POLB: variants seen among roughly 807,000 people sequenced by gnomAD.
POLB encodes 5'-dRP lyase.
Under a neutral mutation model 52.7 loss-of-function variants are expected in POLB, and 37 were observed. The ratio of observed to expected loss-of-function variants is 0.70; its 90% CI spans 0.54 to 0.92. The LOEUF (loss-of-function observed/expected upper bound fraction) is 0.92. Among genes scored for constraint, POLB ranks in the 40% least tolerant of loss-of-function variants. POLB has a pLI of 0.00. For missense variants in POLB, 313 were observed against 400.8 expected (o/e 0.78, Z 1.87); for synonymous variants, 138 against 131.3 (o/e 1.05, Z -0.35).
chr8:42,344,181 C>T (rs1003184459), intron 2 of POLB, among the ~76,000 whole-genome samples: 1 of 149,218 alleles, frequency 6.7e-6, no homozygotes, highest in African/African-American at 2.5e-5. Flanking sequence ...TGGTGGTTCA[C>T]GCCTGTAATC....
chr8:42,341,283 C>T (rs1822186706), intron 2 of POLB, among the ~76,000 whole-genome samples: 1 of 152,192 alleles, frequency 6.6e-6, no homozygotes, highest in Non-Finnish European at 1.5e-5. Context: ...TTCTTCTTCC[C>T]TTTTAGGCTT....
At chr8:42,368,425 C>A (rs1647313744) in intron 11 of POLB, among the ~76,000 whole-genome samples, 1 of 152,178 alleles carries the variant, frequency 6.6e-6, no homozygotes, top group Admixed American at 6.5e-5. Flanking sequence ...CTTTTAGTGG[C>A]ATGTGTTAAC....
Position 42,338,645 on chromosome 8 carries a change from G to A in POLB, c.21G>A (p.Pro7=). The change falls in exon 1 of 14, where the codon CCG becomes CCA. Residue 7 remains proline, a synonymous_variant. Transcript: ENST00000265421. MSKRKA[P]QETLNGGITD... ...CCGCCATGAGCAAACGGAAGGCGCC[G>A]CAGGAGACTCTCAACGGGGGAATCA... 6.2e-7 allele frequency: 1 copy of A among 1,614,170 alleles called. No individual in the cohort carries two copies.
chr8:42,361,263 G>A, intron 9 of POLB, 32 bp from the exon 10 acceptor site: 1 of 1,525,310 alleles, frequency 6.6e-7, no homozygotes, highest in East Asian at 2.2e-5. Flanking sequence ...CATTTACATG[G>A]ACAATCTCAT....
chr8:42,354,261 A>G (rs1823162005), intron 6 of POLB, among the ~76,000 whole-genome samples: 1 of 152,226 alleles, frequency 6.6e-6, no homozygotes, highest in Non-Finnish European at 1.5e-5. Context: ...TTCTGTGTGC[A>G]CATAACCATA....
At chr8:42,369,036 A>G (rs3136794) in intron 11 of POLB, 67,415 of 333,096 alleles carry the variant, frequency 0.2, 12,544 homozygotes, top group African/African-American at 0.64. Flanking sequence ...TCACACAAAG[A>G]CCAAATCCTC....
chr8:42,367,813 T>C (rs938014700), intron 11 of POLB, among the ~76,000 whole-genome samples: 1 of 152,196 alleles, frequency 6.6e-6, no homozygotes, highest in South Asian at 2.1e-4. Flanking sequence ...AAAAAAAGTT[T>C]CCTCTGCATT....
intron 2 of POLB, among the ~76,000 whole-genome samples, chr8:42,343,597 T>C (rs1173190223): frequency 7.2e-6 from 1 of 139,616 alleles, no homozygotes; most frequent in East Asian, 2.2e-4. Context: ...GAGGAAGTTA[T>C]GAACAATTTC....
chr8:42,353,355 A>T (rs902609592), intron 6 of POLB, among the ~76,000 whole-genome samples: 1 of 151,374 alleles, frequency 6.6e-6, no homozygotes, highest in East Asian at 2.0e-4. Context: ...TGATCTGCCC[A>T]CCTCGGCCTC....
intron 5 of POLB, among the ~76,000 whole-genome samples, chr8:42,351,397 T>C (rs771458115): frequency 6.6e-6 from 1 of 152,216 alleles, no homozygotes; most frequent in Non-Finnish European, 1.5e-5. Flanking sequence ...GGTTTATTTG[T>C]CCCGAAACAC....
At chr8:42,360,094 A>G (rs1823580804) in intron 9 of POLB, among the ~76,000 whole-genome samples, 2 of 150,428 alleles carry the variant, frequency 1.3e-5, no homozygotes, top group South Asian at 4.2e-4. Context: ...GTTACAGGCA[A>G]ACACCACCAT....
Position 42,361,359 on chromosome 8 carries a change from C to G in POLB, c.615C>G (p.Thr205=). The change falls in exon 10 of 14, where the codon ACC becomes ACG. Residue 205 remains threonine, a synonymous_variant. Coordinates refer to ENST00000265421, the MANE Select transcript of POLB (RefSeq NM_002690.3). ...LTHPSFTSES[T]KQPKLLHQVV... ...ATCCCAGCTTCACTTCAGAATCAAC[C>G]AAACAGGTGCCTCAGAGTTTATAAT... 6.2e-7 allele frequency: 1 copy of G among 1,601,344 alleles called. No homozygotes were observed. The highest frequency in any genetic ancestry group is 8.6e-7 in the Non-Finnish European group (1 of 1,168,352).
At chr8:42,358,586 A>G (rs1002004399) in intron 9 of POLB, among the ~76,000 whole-genome samples, 4 of 152,232 alleles carry the variant, frequency 2.6e-5, no homozygotes, top group Non-Finnish European at 4.4e-5. Context: ...TAGATAGAGT[A>G]GATACCTGAA....
intron 5 of POLB, among the ~76,000 whole-genome samples, 161 bp from the exon 6 acceptor site, chr8:42,352,358 T>A (rs749660717): frequency 6.6e-6 from 1 of 152,226 alleles, no homozygotes; most frequent in African/African-American, 2.4e-5. Flanking sequence ...GAAGCTTCAA[T>A]AATTCGTACT....
intron 12 of POLB, 39 bp from the exon 13 acceptor site, chr8:42,369,810 G>A (rs1824264812): frequency 6.9e-7 from 1 of 1,447,704 alleles, no homozygotes; most frequent in Non-Finnish European, 9.4e-7. Flanking sequence ...AACTTGAAAT[G>A]CATGGTAAAA....
intron 1 of POLB, 119 bp downstream of exon 1, chr8:42,338,804 C>G (rs952352075): frequency 6.3e-6 from 7 of 1,118,054 alleles, no homozygotes; most frequent in Non-Finnish European, 6.7e-6. Context: ...AGCGGGTCGT[C>G]TTCCGTGGGG....
At chr8:42,346,500 T>G (rs1822624462) in intron 3 of POLB, among the ~76,000 whole-genome samples, 1 of 151,402 alleles carries the variant, frequency 6.6e-6, no homozygotes, top group Non-Finnish European at 1.5e-5. Flanking sequence ...TCCTCCCACC[T>G]CAGCCTCCTG....
At chr8:42,360,662 G>A (rs1459945080) in intron 9 of POLB, among the ~76,000 whole-genome samples, 1 of 151,890 alleles carries the variant, frequency 6.6e-6, no homozygotes, top group African/African-American at 2.4e-5. Context: ...TTAAATAGCT[G>A]TATATAACTT....
At chr8:42,345,064 A>G (rs962590244) in intron 3 of POLB, 45 bp downstream of exon 3, 3 of 1,381,634 alleles carry the variant, frequency 2.2e-6, no homozygotes, top group Non-Finnish European at 3.1e-6. Flanking sequence ...CACGTGTCCA[A>G]ATTTGGTGGG....
Sources: allele counts gnomAD v4.1 joint callset (sites outside exome capture counted in the v4.1 genomes callset), GRCh38; gene constraint gnomAD v4.1.1; transcripts MANE v1.5; gene names NCBI Gene and HGNC (gene_info 2026-07-23, HGNC 2026-07-21).